DOCK1: variants seen among roughly 807,000 people sequenced by gnomAD.
DOCK1 encodes dedicator of cytokinesis protein 1.
In DOCK1, 138 loss-of-function variants were observed where a neutral mutation model predicts 262.7. That is an observed-to-expected ratio of 0.53 (90% CI 0.46 to 0.61). The LOEUF is 0.61. Among genes scored for constraint, DOCK1 ranks in the 20% least tolerant of loss-of-function variants. The probability of loss-of-function intolerance (pLI) is 0.00; values close to 1 mark genes in which losing one functional copy is unlikely to be tolerated. For missense variants in DOCK1, 1,908 were observed against 2,370.7 expected, an observed-to-expected ratio of 0.80 and a Z score of 4.05; for synonymous variants, 866 against 867.4, an observed-to-expected ratio of 1.00 and a Z score of 0.03.
At chr10:127,181,203 C>T (rs762335122) in intron 27 of DOCK1, among the ~76,000 whole-genome samples, 4 of 152,056 alleles carry the variant, frequency 2.6e-5, no homozygotes, top group South Asian at 2.1e-4. Flanking sequence ...TACGTGCCTG[C>T]GTATGTATTT....
chr10:127,127,151 G>A (rs1186481570), intron 26 of DOCK1, among the ~76,000 whole-genome samples: 3 of 152,194 alleles, frequency 2.0e-5, no homozygotes, highest in Non-Finnish European at 4.4e-5. Flanking sequence ...AGTTCACGAA[G>A]AAGAATCAAC....
chr10:127,347,919 C>T (rs1212508412), intron 31 of DOCK1, among the ~76,000 whole-genome samples: 1 of 128,472 alleles, frequency 7.8e-6, no homozygotes, highest in Non-Finnish European at 1.6e-5. Context: ...GCCCTTGCAG[C>T]TCCTCACATC....
intron 27 of DOCK1, among the ~76,000 whole-genome samples, chr10:127,209,712 C>T (rs1403992012): frequency 3.3e-5 from 5 of 152,092 alleles, no homozygotes; most frequent in Non-Finnish European, 7.3e-5. Flanking sequence ...AGTAGGTGCT[C>T]CAGCAGATGT....
chr10:127,173,474 C>T (rs1459984708), intron 27 of DOCK1, among the ~76,000 whole-genome samples: 4 of 152,128 alleles, frequency 2.6e-5, no homozygotes, highest in Non-Finnish European at 5.9e-5. Context: ...ATATATCGTA[C>T]GGTTTTCCTT....
chr10:127,395,425 T>A (rs984873427), intron 38 of DOCK1, among the ~76,000 whole-genome samples: 1 of 152,130 alleles, frequency 6.6e-6, no homozygotes, highest in South Asian at 2.1e-4. Context: ...CTAATCACCT[T>A]CGAAGGCCTC....
At chr10:127,061,623 G>A in intron 22 of DOCK1, 45 bp from the exon 23 acceptor site, 1 of 1,506,754 alleles carries the variant, frequency 6.6e-7, no homozygotes. Context: ...AAAAAATGTT[G>A]AGGTGTTTCT....
intron 23 of DOCK1, among the ~76,000 whole-genome samples, chr10:127,103,446 G>C (rs375993439): frequency 6.6e-6 from 1 of 152,198 alleles, no homozygotes; most frequent in Non-Finnish European, 1.5e-5. Flanking sequence ...GTTGAAGAGC[G>C]TGGGGTGAAG....
intron 6 of DOCK1, among the ~76,000 whole-genome samples, chr10:126,996,378 CAAAAAAAAAAAAAA>C (rs55841173): frequency 2.1e-5 from 2 of 95,576 alleles, no homozygotes; most frequent in Non-Finnish European, 4.2e-5. Context: ...GAGACTGTCT[CAAAAAAAAAAAAAA>C]AAAAAAAAAA....
In DOCK1 at chr10:127,447,417, G is replaced by A; in HGVS notation, c.5437G>A (p.Gly1813Arg). ...AGGCTTGGAGCTGAACGGCATGACG[G>A]GGGCGGACGTGGCCGATGTCCCACC... ...QSSLELNGMT[G>R]ADVADVPPPL... The change falls in exon 51 of 52, where the codon GGG becomes AGG. Residue 1813 changes from glycine (G) to arginine (R), a missense_variant. Gly to Arg is a moderately radical substitution (Grantham distance 125). Transcript: ENST00000623213. 6.2e-7 allele frequency: 1 copy of A among 1,613,040 alleles called. No individual in the cohort carries two copies. The highest frequency in any genetic ancestry group is 8.5e-7 in the Non-Finnish European group (1 of 1,179,524).
intron 33 of DOCK1, among the ~76,000 whole-genome samples, chr10:127,370,613 C>G (rs571258729): frequency 6.6e-6 from 1 of 152,346 alleles, no homozygotes; most frequent in African/African-American, 2.4e-5. Flanking sequence ...TGGGATCCTT[C>G]TCTCCATGAT....
intron 24 of DOCK1, among the ~76,000 whole-genome samples, chr10:127,107,048 C>A (rs1328149423): frequency 2.0e-5 from 3 of 152,108 alleles, no homozygotes; most frequent in African/African-American, 7.2e-5. Context: ...GCTTCAAACT[C>A]CTGGCCTCAA....
At chr10:127,333,762 C>T (rs1291719678) in intron 29 of DOCK1, among the ~76,000 whole-genome samples, 2 of 152,292 alleles carry the variant, frequency 1.3e-5, no homozygotes, top group African/African-American at 4.8e-5. Context: ...CCCAAAGACG[C>T]GCAGAACTGC....
At chr10:127,083,843 C>G (rs756238316) in intron 23 of DOCK1, among the ~76,000 whole-genome samples, 1 of 152,252 alleles carries the variant, frequency 6.6e-6, no homozygotes, top group Non-Finnish European at 1.5e-5. Flanking sequence ...AAACAAATTA[C>G]AGGCAACCAC....
chr10:127,323,479 T>C (rs904654204), intron 29 of DOCK1, among the ~76,000 whole-genome samples: 7 of 152,316 alleles, frequency 4.6e-5, no homozygotes, highest in African/African-American at 1.7e-4. Context: ...TGATGTATCT[T>C]CTAAAAGCCA....
chr10:127,058,386 C>T (rs958487821), intron 22 of DOCK1, among the ~76,000 whole-genome samples: 2 of 151,864 alleles, frequency 1.3e-5, no homozygotes, highest in Non-Finnish European at 2.9e-5. Flanking sequence ...CTTTTATTTT[C>T]ATGCTTTCTG....
intron 27 of DOCK1, chr10:127,192,714 G>A (rs1371329364): frequency 6.6e-6 from 1 of 152,160 alleles, no homozygotes; most frequent in African/African-American, 2.4e-5. Context: ...AGATACCTTA[G>A]TTAGTGCCTT....
intron 23 of DOCK1, among the ~76,000 whole-genome samples, chr10:127,089,439 C>G (rs907033835): frequency 1.3e-5 from 2 of 152,140 alleles, no homozygotes; most frequent in African/African-American, 2.4e-5. Flanking sequence ...CCTGTGCACC[C>G]ACTTTGTTTC....
rs187705436 is a variant in DOCK1 at position 127,051,310 on chromosome 10, A to C, written c.2202-1371A>C. ...GAAATGTCAATATTTTAAAATCTTC[A>C]TGTGTCCACTGATAGTATTCTTACT... On this transcript the variant is annotated intron_variant, in intron 21 of 51. Coordinates refer to ENST00000623213, the MANE Select transcript of DOCK1 (RefSeq NM_001290223.2). 1.1e-3 allele frequency among the ~76,000 whole-genome samples: 166 copies of C among 152,200 alleles called. 1 individual carries two copies. The highest frequency in any genetic ancestry group is 3.7e-3 in the African/African-American group (154 of 41,574).
At chr10:127,352,667 G>T (rs796781979) in intron 31 of DOCK1, among the ~76,000 whole-genome samples, 2 of 151,984 alleles carry the variant, frequency 1.3e-5, no homozygotes, top group East Asian at 1.9e-4. Flanking sequence ...ATCTCAGCTC[G>T]CTACAACCTC....
Sources: gnomAD v4.1 joint callset for allele counts (sites outside exome capture counted in the v4.1 genomes callset) on GRCh38, gnomAD v4.1.1 for gene constraint, MANE v1.5 for transcripts, NCBI Gene and HGNC (gene_info 2026-07-23, HGNC 2026-07-21) for gene names.